The following TENM3 variants were observed in gnomAD, a reference collection of about 807,000 sequenced individuals.
The protein encoded by TENM3 is teneurin transmembrane protein 3, also known as teneurin-3.
In TENM3, 63 loss-of-function variants were observed where a neutral mutation model predicts 255.1. The ratio of observed to expected loss-of-function variants is 0.25; its 90% confidence interval spans 0.20 to 0.30. The LOEUF is 0.30. Ranked by LOEUF, TENM3 falls within the 10% of genes least tolerant of loss-of-function variation. The pLI is 1.00. For missense variants in TENM3, 2,929 were observed against 3,461.1 expected, an observed-to-expected ratio of 0.85 and a Z score of 3.86; for synonymous variants, 1,306 against 1,322.3, an observed-to-expected ratio of 0.99 and a Z score of 0.27.
At chr4:182,009,658 TC>T in the TENM3 span, among the ~76,000 whole-genome samples, 9 of 151,988 alleles carry the variant, frequency 5.9e-5, no homozygotes, top group South Asian at 1.9e-3. Flanking sequence ...GTGTTTGGAG[TC>T]CCAGTGCTGG....
chr4:181,822,344 T>C, the TENM3 span, among the ~76,000 whole-genome samples: 5 of 152,234 alleles, frequency 3.3e-5, no homozygotes, highest in African/African-American at 7.2e-5. Flanking sequence ...AACTTTGTAA[T>C]GGAGACTGCA....
the TENM3 span, among the ~76,000 whole-genome samples, chr4:181,707,415 C>G: frequency 1.3e-5 from 2 of 152,182 alleles, no homozygotes; most frequent in African/African-American, 4.8e-5. Flanking sequence ...AGAGACTCGT[C>G]TGAAATTCAC....
At chr4:182,713,020 C>G (rs1250337045) in intron 12 of TENM3, among the ~76,000 whole-genome samples, 1 of 152,156 alleles carries the variant, frequency 6.6e-6, no homozygotes, top group Non-Finnish European at 1.5e-5. Flanking sequence ...ATCACATTGG[C>G]TGCATGCCAG....
chr4:182,744,569 T>G (rs893650196), intron 19 of TENM3, among the ~76,000 whole-genome samples: 1 of 152,180 alleles, frequency 6.6e-6, no homozygotes, highest in Non-Finnish European at 1.5e-5. Flanking sequence ...TGGGTTTTAT[T>G]GGAGACTGTT....
At chr4:182,115,285 G>A in the TENM3 span, among the ~76,000 whole-genome samples, 6 of 152,170 alleles carry the variant, frequency 3.9e-5, no homozygotes, top group Admixed American at 2.6e-4. Context: ...TTGGATGCTT[G>A]TTATTTCACA....
the TENM3 span, among the ~76,000 whole-genome samples, chr4:182,119,485 G>A: frequency 1.3e-5 from 2 of 152,096 alleles, no homozygotes; most frequent in East Asian, 1.9e-4. Context: ...GGTTTCTGCA[G>A]GTGGGTTTCT....
At chr4:181,771,408 C>T in the TENM3 span, among the ~76,000 whole-genome samples, 1 of 152,140 alleles carries the variant, frequency 6.6e-6, no homozygotes, top group East Asian at 1.9e-4. Context: ...ATCCTCTAGA[C>T]CAGTGGCTGC....
chr4:181,459,829 ATCT>A, the TENM3 span, among the ~76,000 whole-genome samples: 6 of 152,032 alleles, frequency 3.9e-5, no homozygotes, highest in Admixed American at 2.6e-4. Context: ...AAGTTTTAGA[ATCT>A]TCTTTTTAAC....
At chr4:181,752,395 CA>C in the TENM3 span, among the ~76,000 whole-genome samples, 1 of 151,532 alleles carries the variant, frequency 6.6e-6, no homozygotes, top group African/African-American at 2.4e-5. Flanking sequence ...ACTAAAAATA[CA>C]AAAAAAATAG....
chr4:182,310,286 C>G (rs1762368183), intron 1 of TENM3, among the ~76,000 whole-genome samples: 1 of 152,064 alleles, frequency 6.6e-6, no homozygotes, highest in Admixed American at 6.5e-5. Context: ...GTCTCAAACT[C>G]CTGGGCTCAA....
the TENM3 span, among the ~76,000 whole-genome samples, chr4:181,883,585 C>A: frequency 6.6e-6 from 1 of 152,124 alleles, no homozygotes; most frequent in Non-Finnish European, 1.5e-5. Context: ...CGCCATTCTC[C>A]TGCCTCAGCC....
At chr4:181,543,790 G>T in the TENM3 span, among the ~76,000 whole-genome samples, 1 of 152,268 alleles carries the variant, frequency 6.6e-6, no homozygotes, top group South Asian at 2.1e-4. Flanking sequence ...GCCACTGCTA[G>T]CCACATTTTG....
the TENM3 span, among the ~76,000 whole-genome samples, chr4:181,692,833 C>T: frequency 6.6e-6 from 1 of 152,120 alleles, no homozygotes; most frequent in African/African-American, 2.4e-5. Context: ...ACTCTTAAAA[C>T]CCCAAGGTGA....
At chr4:182,679,600 A>G (rs77279497) in intron 7 of TENM3, 66 bp from the exon 8 acceptor site, 3 of 201,660 alleles carry the variant, frequency 1.5e-5, no homozygotes, top group Non-Finnish European at 2.0e-5. Flanking sequence ...GATTGAAGAG[A>G]AAAAAAAAAA....
the TENM3 span, among the ~76,000 whole-genome samples, chr4:181,736,564 G>T: frequency 6.6e-6 from 1 of 151,528 alleles, no homozygotes; most frequent in Non-Finnish European, 1.5e-5. Context: ...AAATTTTCCT[G>T]GTTCACCCAG....
At chr4:182,580,988 T>TA (rs1374792766) in intron 3 of TENM3, among the ~76,000 whole-genome samples, 4 of 152,198 alleles carry the variant, frequency 2.6e-5, no homozygotes, top group Non-Finnish European at 5.9e-5. Context: ...TATTTTTAAG[T>TA]AAAATTATAT....
chr4:181,770,769 T>TG, the TENM3 span, among the ~76,000 whole-genome samples: 1 of 151,742 alleles, frequency 6.6e-6, no homozygotes, highest in Non-Finnish European at 1.5e-5. Flanking sequence ...GATGGAAACA[T>TG]GCACATGTAG....
the TENM3 span, among the ~76,000 whole-genome samples, chr4:181,967,546 T>C: frequency 2.6e-5 from 4 of 152,172 alleles, no homozygotes; most frequent in African/African-American, 9.7e-5. Context: ...CAAAGTCCCC[T>C]GACTTTCCCA....
chr4:182,663,840 T>C (rs760263707), intron 6 of TENM3, among the ~76,000 whole-genome samples: 1 of 152,186 alleles, frequency 6.6e-6, no homozygotes, highest in Non-Finnish European at 1.5e-5. Flanking sequence ...AATCAGCAAC[T>C]AACTACTTTG....
Sources: gnomAD v4.1 joint callset for allele counts (sites outside exome capture counted in the v4.1 genomes callset) on GRCh38, gnomAD v4.1.1 for gene constraint, MANE v1.5 for transcripts, NCBI Gene and HGNC (gene_info 2026-07-23, HGNC 2026-07-21) for gene names.